The following CES5A variants were observed in gnomAD, a reference collection of about 807,000 sequenced individuals.
CES5A encodes carboxylesterase 5.
A neutral mutation model predicts 62.9 loss-of-function variants in CES5A; 67 were observed. That is an observed-to-expected ratio of 1.07 (90% CI 0.88 to 1.31). The LOEUF (loss-of-function observed/expected upper bound fraction) is 1.31, where lower values mean the gene tolerates loss of function less well. CES5A is among the 50% of genes most tolerant of loss of function. The pLI is 0.00. For missense variants in CES5A, 748 were observed against 708.5 expected, an observed-to-expected ratio of 1.06 and a Z score of -0.63; for synonymous variants, 296 against 280.8, an observed-to-expected ratio of 1.05 and a Z score of -0.54.
At chr16:55,856,140 A>G (rs117222957) in intron 9 of CES5A, among the ~76,000 whole-genome samples, 7,037 of 152,188 alleles carry the variant, frequency 0.046, 277 homozygotes, top group South Asian at 0.17. Flanking sequence ...AGCTTCCTGT[A>G]CAGCCTGCAG....
At chr16:55,922,367 A>G (rs1203104763) in intron 1 of CES5A, among the ~76,000 whole-genome samples, 1 of 152,030 alleles carries the variant, frequency 6.6e-6, no homozygotes, top group Admixed American at 6.6e-5. Context: ...CCATGCAAAC[A>G]GAAACCAAAA....
intron 1 of CES5A, among the ~76,000 whole-genome samples, chr16:55,906,127 A>G (rs2034038305): frequency 6.6e-6 from 1 of 152,172 alleles, no homozygotes; most frequent in Non-Finnish European, 1.5e-5. Flanking sequence ...GTACATCCTA[A>G]GGAGTCTGTT....
rs1299537837 is a variant in CES5A at position 55,955,914 on chromosome 16, C to T, written c.-29G>A. 7 of 1,535,766 alleles carry T rather than the reference C, an allele frequency of 4.6e-6. No individual in the cohort carries two copies. The Admixed American group carries it at 5.9e-5, about 13-fold the overall frequency. ...ACTTGCCCTTGGTCCTAACACAAAA[C>T]CTCAGCATCCCAGCTGGCCTTGACA... On this transcript the variant is annotated 5_prime_UTR_variant, in exon 1 of 14. Transcript: ENST00000521992.
upstream of CES5A, chr16:55,875,401 C>T (rs2033678018): frequency 1.5e-6 from 2 of 1,369,474 alleles, no homozygotes; most frequent in Admixed American, 3.2e-5. Context: ...CTAAGCAAGA[C>T]TTTCCTGTTC....
intron 1 of CES5A, among the ~76,000 whole-genome samples, chr16:55,952,120 G>T (rs1245509092): frequency 6.6e-6 from 1 of 151,986 alleles, no homozygotes; most frequent in African/African-American, 2.4e-5. Flanking sequence ...AATAAAATTA[G>T]AAATTAATAA....
intron 1 of CES5A, among the ~76,000 whole-genome samples, chr16:55,953,150 T>G (rs929338608): frequency 6.6e-5 from 10 of 152,346 alleles, no homozygotes; most frequent in Middle Eastern, 3.4e-3. Context: ...AAATTTAATG[T>G]AATTTAACAA....
At chr16:55,955,763 T>G (rs1195000876) in intron 1 of CES5A, 1 of 1,461,926 alleles carries the variant, frequency 6.8e-7, no homozygotes, top group Non-Finnish European at 9.2e-7. Flanking sequence ...TAAATTTGCA[T>G]CTAATCTAAG....
chr16:55,939,524 A>G (rs1364366105), intron 2 of CES5A, among the ~76,000 whole-genome samples: 1 of 152,208 alleles, frequency 6.6e-6, no homozygotes, highest in Non-Finnish European at 1.5e-5. Context: ...GGACCAGAAG[A>G]TGACATGGCC....
chr16:55,884,180 G>A (rs576966399), intron 1 of CES5A, among the ~76,000 whole-genome samples: 2 of 152,346 alleles, frequency 1.3e-5, no homozygotes, highest in South Asian at 2.1e-4. Context: ...TTCAAGATCT[G>A]ACAATTGCCA....
chr16:55,854,533 T>TTCTGTTTTCTTTC (rs554381792), intron 9 of CES5A, among the ~76,000 whole-genome samples: 641 of 12,300 alleles, frequency 0.052, 64 homozygotes, highest in African/African-American at 0.18. Context: ...TAGTGTTTCT[T>TTCTGTTTTCTTTC]TTTTTTTTTT....
chr16:55,854,532 T>TTTCTGTTTTCTTTCC (rs1491341397), intron 9 of CES5A, among the ~76,000 whole-genome samples: 1 of 59,122 alleles, frequency 1.7e-5, no homozygotes, highest in East Asian at 8.0e-4. Context: ...GTAGTGTTTC[T>TTTCTGTTTTCTTTCC]TTTTTTTTTT....
chr16:55,942,115 C>A (rs1220272056), intron 2 of CES5A, among the ~76,000 whole-genome samples: 1 of 151,974 alleles, frequency 6.6e-6, no homozygotes, highest in Non-Finnish European at 1.5e-5. Flanking sequence ...AAGTGAAAAC[C>A]ATAAAGCTTC....
intron 2 of CES5A, among the ~76,000 whole-genome samples, chr16:55,949,327 G>A (rs1287355160): frequency 6.6e-6 from 1 of 152,232 alleles, no homozygotes; most frequent in Non-Finnish European, 1.5e-5. Flanking sequence ...AACTGCCTGA[G>A]TTGGGGCAGA....
chr16:55,872,342 TG>T (rs2033609221), intron 2 of CES5A, among the ~76,000 whole-genome samples: 2 of 152,194 alleles, frequency 1.3e-5, no homozygotes, highest in Non-Finnish European at 2.9e-5. Context: ...CACTCCAACT[TG>T]CCACCTCCTC....
intron 1 of CES5A, among the ~76,000 whole-genome samples, chr16:55,891,549 C>G (rs114046703): frequency 0.012 from 1,816 of 152,270 alleles, 50 homozygotes; most frequent in African/African-American, 0.041. Flanking sequence ...CAGGACAACT[C>G]AAAGTGGGGA....
At chr16:55,892,136 A>T (rs146648043) in intron 1 of CES5A, among the ~76,000 whole-genome samples, 1,815 of 152,296 alleles carry the variant, frequency 0.012, 51 homozygotes, top group African/African-American at 0.041. Flanking sequence ...CTTGGTCTCC[A>T]CAATCTTTTA....
rs80171734 is a variant in CES5A at position 55,856,431 on chromosome 16, C to A, written c.1071G>T (p.Glu357Asp). Residue 357 changes from glutamate to aspartate, a missense_variant, in exon 9 of 13, where the codon GAG becomes GAT. By Grantham distance (45) the Glu-to-Asp change is conservative. Coordinates refer to ENST00000290567, the MANE Select transcript of CES5A (RefSeq NM_001143685.2). ...GGGACTTGTTGGAGCCACTGAGGAT[C>A]TCAGGAGCCTCCTTCTGTGGAGAGA... The part of the protein sequence containing the change: ...GFLLPMKEAP[E>D]ILSGSNKSLA... 9.4e-5 allele frequency: 152 copies of A among 1,613,952 alleles called. No individual in the cohort carries two copies. The highest frequency in any genetic ancestry group is 1.2e-4 in the Non-Finnish European group (142 of 1,179,994).
intron 3 of CES5A, among the ~76,000 whole-genome samples, chr16:55,870,780 T>C (rs4784600): frequency 0.75 from 114,031 of 152,166 alleles, 43,271 homozygotes; most frequent in Admixed American, 0.81. Flanking sequence ...GGCATTATCT[T>C]TATTTATATA....
intron 1 of CES5A, among the ~76,000 whole-genome samples, chr16:55,950,261 G>T (rs1267186207): frequency 1.3e-5 from 2 of 152,114 alleles, no homozygotes; most frequent in East Asian, 1.9e-4. Flanking sequence ...TGAAAGAAAA[G>T]TCCTAAATTT....
Sources: allele counts gnomAD v4.1 joint callset (sites outside exome capture counted in the v4.1 genomes callset), GRCh38; gene constraint gnomAD v4.1.1; transcripts MANE v1.5; gene names NCBI Gene and HGNC (gene_info 2026-07-23, HGNC 2026-07-21).